The following SSBP3 variants were observed in gnomAD, a reference collection of about 807,000 sequenced individuals.
The protein encoded by SSBP3 is single-stranded DNA-binding protein 3.
SSBP3 carries 5 observed loss-of-function variants against 69.6 expected under a neutral mutation model. That is an observed-to-expected ratio of 0.07 (90% confidence interval 0.04 to 0.15). The LOEUF is 0.15. Among genes scored for constraint, SSBP3 ranks in the 10% least tolerant of loss-of-function variants. The pLI, the probability that SSBP3 is intolerant of heterozygous loss-of-function variation, is 1.00. For synonymous variants in SSBP3, 196 were observed against 193.4 expected, an observed-to-expected ratio of 1.01 and a Z score of -0.11; for missense variants, 312 against 534.0, an observed-to-expected ratio of 0.58 and a Z score of 4.10.
rs567389965 is a variant in SSBP3 at position 54,316,576 on chromosome 1, G to A, written c.277-35049C>T. ...GAATGGCGTGAACCCGGGAAGCGGA[G>A]CTTGCAGTGAGCCGAGATTGCGCCA... On this transcript the variant is annotated intron_variant, in intron 4 of 17. Transcript: ENST00000610401. 2.0e-4 allele frequency among the ~76,000 whole-genome samples: 29 copies of A among 146,184 alleles called. 1 individual carries two copies. The South Asian group carries it at 6.4e-3, about 32-fold the overall frequency.
chr1:54,360,348 A>G (rs942912152), intron 4 of SSBP3, among the ~76,000 whole-genome samples: 1 of 152,236 alleles, frequency 6.6e-6, no homozygotes, highest in Non-Finnish European at 1.5e-5. Flanking sequence ...TTGCTTTATC[A>G]TGTGTTCTAA....
exon 15 of SSBP3, chr1:54,228,798 G>A: frequency 9.3e-6 from 15 of 1,611,646 alleles, no homozygotes; most frequent in East Asian, 2.2e-5. Flanking sequence ...GCCGCCCATC[G>A]GACCGTCCGA....
intron 7 of SSBP3, among the ~76,000 whole-genome samples, chr1:54,256,329 T>C (rs1225779488): frequency 6.6e-6 from 1 of 152,180 alleles, no homozygotes; most frequent in African/African-American, 2.4e-5. Context: ...AATTGGGGCA[T>C]AAAATTTCCC....
At chr1:54,278,383 C>G (rs1470135394) in intron 5 of SSBP3, among the ~76,000 whole-genome samples, 2 of 151,948 alleles carry the variant, frequency 1.3e-5, no homozygotes, top group Admixed American at 1.3e-4. Flanking sequence ...CATCTCCCTG[C>G]CAGCCCTTAA....
chr1:54,295,618 T>C (rs1222583199), intron 4 of SSBP3, among the ~76,000 whole-genome samples: 3 of 152,098 alleles, frequency 2.0e-5, no homozygotes, highest in African/African-American at 4.8e-5. Context: ...CCCTGTAATA[T>C]AGGACAATCT....
chr1:54,265,293 G>A (rs1370376193), intron 5 of SSBP3, among the ~76,000 whole-genome samples: 1 of 152,176 alleles, frequency 6.6e-6, no homozygotes, highest in Non-Finnish European at 1.5e-5. Flanking sequence ...CTTGGAGAGG[G>A]GTTGTGTGAA....
chr1:54,379,225 G>A (rs1647431300), intron 4 of SSBP3, among the ~76,000 whole-genome samples: 1 of 152,228 alleles, frequency 6.6e-6, no homozygotes, highest in East Asian at 1.9e-4. Context: ...GTCTGCAGGA[G>A]GGCCTTCGCC....
chr1:54,330,375 T>C (rs1190079106), intron 4 of SSBP3, among the ~76,000 whole-genome samples: 1 of 152,168 alleles, frequency 6.6e-6, no homozygotes, highest in Non-Finnish European at 1.5e-5. Flanking sequence ...GCAAATACTG[T>C]GCCCAGGGAG....
chr1:54,280,281 C>T (rs1490041920), intron 5 of SSBP3, among the ~76,000 whole-genome samples: 2 of 152,218 alleles, frequency 1.3e-5, no homozygotes, highest in African/African-American at 4.8e-5. Context: ...TAGAGGGAAA[C>T]CCCTTTAACA....
intron 4 of SSBP3, among the ~76,000 whole-genome samples, chr1:54,346,363 C>G (rs377176882): frequency 3.3e-5 from 5 of 151,680 alleles, no homozygotes; most frequent in African/African-American, 7.3e-5. Context: ...ACTAAAGTTA[C>G]AGAGTAGATT....
At chr1:54,350,601 T>C (rs1348074072) in intron 4 of SSBP3, among the ~76,000 whole-genome samples, 2 of 152,194 alleles carry the variant, frequency 1.3e-5, no homozygotes, top group African/African-American at 2.4e-5. Context: ...CAGCAGCAAG[T>C]AATTTTCTAA....
intron 3 of SSBP3, 50 bp from the exon 4 acceptor site, chr1:54,401,995 T>A (rs1177581694): frequency 1.3e-6 from 2 of 1,534,978 alleles, no homozygotes; most frequent in Non-Finnish European, 9.0e-7. Flanking sequence ...ATTACTTGTG[T>A]ACACAAGGGC....
At chr1:54,317,645 G>A in intron 4 of SSBP3, among the ~76,000 whole-genome samples, 1 of 152,182 alleles carries the variant, frequency 6.6e-6, no homozygotes, top group East Asian at 1.9e-4. Flanking sequence ...AGTCACTCAG[G>A]ATAATAGTAA....
At chr1:54,315,988 G>A (rs1646090452) in intron 4 of SSBP3, among the ~76,000 whole-genome samples, 1 of 152,126 alleles carries the variant, frequency 6.6e-6, no homozygotes, top group Admixed American at 6.5e-5. Context: ...AAATAATTTG[G>A]CAAAGGATTC....
chr1:54,314,829 C>T (rs1009938078), intron 4 of SSBP3, among the ~76,000 whole-genome samples: 1 of 152,142 alleles, frequency 6.6e-6, no homozygotes, highest in African/African-American at 2.4e-5. Context: ...GTGTCCCCTC[C>T]CAGTATGAAG....
intron 4 of SSBP3, among the ~76,000 whole-genome samples, chr1:54,400,071 A>C (rs776060141): frequency 2.0e-5 from 3 of 152,148 alleles, no homozygotes; most frequent in Non-Finnish European, 2.9e-5. Flanking sequence ...ATCTCTATAC[A>C]TTTCTACTGC....
chr1:54,309,362 T>C (rs758683533), intron 4 of SSBP3, among the ~76,000 whole-genome samples: 6 of 152,212 alleles, frequency 3.9e-5, no homozygotes, highest in Admixed American at 6.5e-5. Flanking sequence ...CAAGTTGACA[T>C]TGGCGAGTGA....
At chr1:54,298,638 G>GCA (rs1184053420) in intron 4 of SSBP3, among the ~76,000 whole-genome samples, 2 of 152,026 alleles carry the variant, frequency 1.3e-5, no homozygotes, top group Non-Finnish European at 2.9e-5. Context: ...GCAGCAGAGG[G>GCA]GTGTGGTGTG....
intron 5 of SSBP3, among the ~76,000 whole-genome samples, chr1:54,280,115 T>C (rs965303629): frequency 6.6e-6 from 1 of 152,226 alleles, no homozygotes; most frequent in African/African-American, 2.4e-5. Context: ...CACCATCATG[T>C]GACCTACCAC....
Sources: allele counts gnomAD v4.1 joint callset (sites outside exome capture counted in the v4.1 genomes callset), GRCh38; gene constraint gnomAD v4.1.1; transcripts MANE v1.5; gene names NCBI Gene and HGNC (gene_info 2026-07-23, HGNC 2026-07-21).